The following CNTN5 variants were observed in gnomAD, a reference collection of about 807,000 sequenced individuals.
The protein encoded by CNTN5 is contactin-5.
Under a neutral mutation model 129.1 loss-of-function variants are expected in CNTN5, and 77 were observed. The observed-to-expected ratio is 0.60, with a 90% confidence interval of 0.50 to 0.72. The LOEUF (loss-of-function observed/expected upper bound fraction) is 0.72. Ranked by LOEUF, CNTN5 falls within the 30% of genes least tolerant of loss-of-function variation. The pLI is 0.00. For synonymous variants in CNTN5, 509 were observed against 465.6 expected, an observed-to-expected ratio of 1.09 and a Z score of -1.20; for missense variants, 1,478 against 1,328.8, an observed-to-expected ratio of 1.11 and a Z score of -1.75.
chr11:99,555,453 A>G lies in CNTN5; in HGVS notation c.-70-692A>G, dbSNP rs180820152. Among the ~76,000 whole-genome samples the G allele has an allele frequency of 3.2e-3, 480 of 152,054 alleles. 4 individuals carry two copies. The highest frequency in any genetic ancestry group is 0.011 in the African/African-American group (461 of 41,532). On this transcript the variant is annotated intron_variant, in intron 2 of 24. Transcript: ENST00000524871. ...TTCATGTTTATTGTATCATTCAGGG[A>G]AAAAAAGGAACCAAATATATTAATG...
At chr11:99,359,184 A>C (rs1343354259) in intron 2 of CNTN5, among the ~76,000 whole-genome samples, 1 of 152,236 alleles carries the variant, frequency 6.6e-6, no homozygotes, top group East Asian at 1.9e-4. Flanking sequence ...CATTGAAATA[A>C]ACAAATATTG....
intron 2 of CNTN5, among the ~76,000 whole-genome samples, chr11:99,357,922 T>A (rs949732080): frequency 6.6e-6 from 1 of 150,890 alleles, no homozygotes; most frequent in African/African-American, 2.4e-5. Context: ...GAGAACTGCA[T>A]GAACCCTGGA....
intron 2 of CNTN5, among the ~76,000 whole-genome samples, chr11:99,441,653 A>G (rs746366277): frequency 1.3e-5 from 2 of 152,210 alleles, no homozygotes; most frequent in African/African-American, 2.4e-5. Flanking sequence ...GGTTGACTCA[A>G]AATAGGAATT....
Position 100,301,189 on chromosome 11 carries a change from G to A in CNTN5, c.2620+1793G>A, listed in dbSNP as rs565354587. Among the ~76,000 whole-genome samples, 6 of 151,630 alleles carry A rather than the reference G, an allele frequency of 4.0e-5. No homozygotes were observed. The East Asian group carries it at 1.2e-3, about 30-fold the overall frequency. ...ATATTCTTTTTCCTTTTAAAATGTT[G>A]GAAACTAATTATCAATTACATAGCA... On this transcript the variant is annotated intron_variant, in intron 20 of 24. Coordinates refer to ENST00000524871, the MANE Select transcript of CNTN5 (RefSeq NM_014361.4).
At chr11:99,095,282 TC>T (rs1045231313) in intron 1 of CNTN5, among the ~76,000 whole-genome samples, 18 of 151,966 alleles carry the variant, frequency 1.2e-4, no homozygotes, top group Admixed American at 1.1e-3. Context: ...TGTAGGATCA[TC>T]CACTATTACC....
chr11:99,796,702 G>C (rs1188688334), intron 3 of CNTN5, among the ~76,000 whole-genome samples: 1 of 152,032 alleles, frequency 6.6e-6, no homozygotes, highest in African/African-American at 2.4e-5. Context: ...GCTCTTTTCA[G>C]GTCCACTAGC....
At chr11:99,353,270 G>A (rs72985709) in intron 2 of CNTN5, among the ~76,000 whole-genome samples, 1 of 152,124 alleles carries the variant, frequency 6.6e-6, no homozygotes, top group Non-Finnish European at 1.5e-5. Context: ...ATAAAGTATT[G>A]GTTTCTCATT....
At chr11:99,882,095 A>G (rs1658327828) in intron 6 of CNTN5, among the ~76,000 whole-genome samples, 1 of 152,218 alleles carries the variant, frequency 6.6e-6, no homozygotes, top group South Asian at 2.1e-4. Flanking sequence ...TTTAGCAAAG[A>G]TGACTGAGGG....
intron 3 of CNTN5, among the ~76,000 whole-genome samples, chr11:99,602,677 TCA>T (rs10565133): frequency 0.024 from 3,586 of 151,750 alleles, 141 homozygotes; most frequent in African/African-American, 0.082. Context: ...GTATCAAAAA[TCA>T]CAGTGTTGAA....
At chr11:99,964,719 G>T (rs180673833) in intron 8 of CNTN5, among the ~76,000 whole-genome samples, 1 of 152,264 alleles carries the variant, frequency 6.6e-6, no homozygotes, top group African/African-American at 2.4e-5. Context: ...GATTGGAATA[G>T]TTTCAGAAGG....
chr11:100,182,724 G>T (rs1169107715), intron 13 of CNTN5, among the ~76,000 whole-genome samples: 1 of 152,024 alleles, frequency 6.6e-6, no homozygotes. Flanking sequence ...AGAAATCTCT[G>T]TGACCTTAGG....
intron 6 of CNTN5, among the ~76,000 whole-genome samples, chr11:99,880,402 T>G (rs932366756): frequency 1.3e-5 from 2 of 152,132 alleles, no homozygotes; most frequent in African/African-American, 4.8e-5. Context: ...AATACAAATA[T>G]GAAAGAGAAT....
intron 1 of CNTN5, among the ~76,000 whole-genome samples, chr11:99,274,952 C>A (rs1437699333): frequency 6.6e-6 from 1 of 151,216 alleles, no homozygotes; most frequent in Non-Finnish European, 1.5e-5. Flanking sequence ...TACAACACAT[C>A]AAAATAGTAT....
chr11:99,463,588 A>T (rs968186949), intron 2 of CNTN5, among the ~76,000 whole-genome samples: 25 of 148,576 alleles, frequency 1.7e-4, no homozygotes, highest in African/African-American at 5.3e-4. Flanking sequence ...ATTCCAAGCT[A>T]GTACTGTAGC....
chr11:99,547,830 G>T (rs988616345), intron 2 of CNTN5, among the ~76,000 whole-genome samples: 3 of 152,156 alleles, frequency 2.0e-5, no homozygotes, highest in African/African-American at 7.2e-5. Flanking sequence ...CTTTCAGATA[G>T]TTCAGTGTGT....
intron 1 of CNTN5, among the ~76,000 whole-genome samples, chr11:99,029,024 T>C (rs561257562): frequency 2.6e-5 from 4 of 152,034 alleles, no homozygotes; most frequent in Admixed American, 6.6e-5. Flanking sequence ...TTAAAACTTA[T>C]TAGCTGTATA....
At chr11:100,036,910 G>A (rs1315829410) in intron 9 of CNTN5, among the ~76,000 whole-genome samples, 1 of 147,698 alleles carries the variant, frequency 6.8e-6, no homozygotes, top group Non-Finnish European at 1.5e-5. Flanking sequence ...CATGTCGTCT[G>A]CAAACAGGGA....
intron 2 of CNTN5, among the ~76,000 whole-genome samples, chr11:99,390,189 C>G (rs114442538): frequency 0.033 from 5,024 of 151,700 alleles, 276 homozygotes; most frequent in African/African-American, 0.11. Flanking sequence ...ACAATCATAG[C>G]TTACTGTAAC....
chr11:99,163,866 A>C (rs1407545449), intron 1 of CNTN5, among the ~76,000 whole-genome samples: 1 of 152,204 alleles, frequency 6.6e-6, no homozygotes, highest in Non-Finnish European at 1.5e-5. Context: ...ATTTATTGTT[A>C]TGACATCTCT....
Sources: allele counts gnomAD v4.1 joint callset (sites outside exome capture counted in the v4.1 genomes callset), GRCh38; gene constraint gnomAD v4.1.1; transcripts MANE v1.5; gene names NCBI Gene and HGNC (gene_info 2026-07-23, HGNC 2026-07-21).